Variants in ACTN2 observed in about 807,000 individuals in gnomAD.
The protein encoded by ACTN2 is actinin alpha 2.
Under a neutral mutation model 113.8 loss-of-function variants are expected in ACTN2, and 39 were observed. The observed-to-expected ratio is 0.34, with a 90% CI of 0.27 to 0.45. The LOEUF is 0.45. ACTN2 is among the 20% of genes least tolerant of loss of function. The pLI is 1.00. For synonymous variants in ACTN2, 429 were observed against 444.1 expected, an observed-to-expected ratio of 0.97 and a Z score of 0.43; for missense variants, 992 against 1,177.9, an observed-to-expected ratio of 0.84 and a Z score of 2.31.
At chr1:236,759,831 T>C (rs1280140345) in intron 19 of ACTN2, 42 bp downstream of exon 19, 2 of 1,574,614 alleles carry the variant, frequency 1.3e-6, no homozygotes, top group African/African-American at 1.3e-5. Context: ...TGATATTTTA[T>C]TGAATTTGGA....
At chr1:236,736,688 C>T (rs1403092644) in intron 8 of ACTN2, 12 of 1,452,102 alleles carry the variant, frequency 8.3e-6, no homozygotes, top group Non-Finnish European at 1.1e-5. Context: ...GATTTTCCTG[C>T]CCCAGTTATT....
intron 1 of ACTN2, among the ~76,000 whole-genome samples, chr1:236,687,956 C>T (rs1462186913): frequency 6.6e-6 from 1 of 152,230 alleles, no homozygotes; most frequent in African/African-American, 2.4e-5. Flanking sequence ...AATTTAGCTA[C>T]ATTTCAGTCT....
At position 236,749,265 on chromosome 1, in the gene ACTN2, G is replaced by GTAATGGA. The variant is rs1255329746; in HGVS notation, c.1656+2_1656+8dup. The stretch of plus-strand genomic sequence containing the variant: ...TGTCCACAGCATTGAGGAGATCCAG[G>GTAATGGA]TAATGGAACCGCAACTCTGTATGCC... On this transcript the variant is annotated splice_donor_variant, in intron 14 of 20. Transcript: ENST00000366578. LOFTEE classifies it high-confidence loss of function. 2 of 1,613,996 alleles carry GTAATGGA rather than the reference G, an allele frequency of 1.2e-6. No individual in the cohort carries two copies. Among genetic ancestry groups the GTAATGGA allele is most frequent in the African/African-American group, 2.7e-5 (2 of 74,912 alleles).
At position 236,761,100 on chromosome 1, in the gene ACTN2, T is replaced by C; in HGVS notation, c.2453T>C (p.Met818Thr). The C allele has an allele frequency of 6.2e-7, 1 of 1,614,148 alleles. No individual in the cohort carries two copies. Among genetic ancestry groups the C allele is most frequent in the Non-Finnish European group, 8.5e-7 (1 of 1,180,010 alleles). Residue 818 changes from methionine (M) to threonine (T), a missense_variant, in exon 20 of 21, where the codon ATG becomes ACG. Met to Thr is a moderately conservative substitution (Grantham distance 81). Coordinates refer to ENST00000366578, the MANE Select transcript of ACTN2 (RefSeq NM_001103.4). ...TVTFQSFIDF[M>T]TRETADTDTA... is the part of the protein sequence containing the mutation. The stretch of plus-strand genomic sequence containing the variant: ...ACCTTCCAATCCTTCATCGACTTCA[T>C]GACTAGAGAGACGGCTGACACCGAC...
chr1:236,713,660 AC>A (rs1658122466), intron 1 of ACTN2, among the ~76,000 whole-genome samples: 1 of 147,208 alleles, frequency 6.8e-6, no homozygotes, highest in Non-Finnish European at 1.5e-5. Flanking sequence ...TTCATTCCTC[AC>A]TGTGTGTTTA....
At chr1:236,698,633 G>C (rs767126182) in intron 1 of ACTN2, among the ~76,000 whole-genome samples, 4 of 152,174 alleles carry the variant, frequency 2.6e-5, no homozygotes, top group Non-Finnish European at 4.4e-5. Context: ...TTTCATGTTA[G>C]AATTTGGAGC....
intron 10 of ACTN2, among the ~76,000 whole-genome samples, chr1:236,742,485 G>C (rs1659100913): frequency 1.3e-5 from 2 of 152,136 alleles, no homozygotes; most frequent in Admixed American, 6.5e-5. Context: ...TGGGAGGATT[G>C]CCAGAGCCCA....
At chr1:236,718,204 G>A (rs1658278082) in intron 2 of ACTN2, among the ~76,000 whole-genome samples, 1 of 152,118 alleles carries the variant, frequency 6.6e-6, no homozygotes, top group Non-Finnish European at 1.5e-5. Flanking sequence ...ATACCACCAA[G>A]CTTGAAACAA....
rs1659651455 is a variant in ACTN2, at chr1:236,759,714, T to C, written c.2302-10T>C. The C allele has an allele frequency of 6.2e-7, 1 of 1,613,674 alleles. No individual in the cohort carries two copies. The highest frequency in any genetic ancestry group is 8.5e-7 in the Non-Finnish European group (1 of 1,179,598). On this transcript the variant is annotated splice_polypyrimidine_tract_variant and intron_variant, in intron 18 of 20. Coordinates refer to ENST00000366578, the MANE Select transcript of ACTN2 (RefSeq NM_001103.4). ...TGCTCACCTGCTCTGTCCTTTGTTT[T>C]TGCCAACAGAGGAAGAATGGCCTGA...
chr1:236,753,836 T>G, intron 15 of ACTN2, 111 bp from the exon 16 acceptor site: 63 of 1,079,832 alleles, frequency 5.8e-5, no homozygotes, highest in East Asian at 1.6e-4. Flanking sequence ...CCTCCCTTCG[T>G]TTCTCCTTCT....
chr1:236,711,443 T>C (rs551770254), intron 1 of ACTN2, among the ~76,000 whole-genome samples: 2 of 152,338 alleles, frequency 1.3e-5, no homozygotes, highest in South Asian at 4.1e-4. Context: ...CTCTGCCTCC[T>C]GGGTTCAAGC....
intron 1 of ACTN2, among the ~76,000 whole-genome samples, chr1:236,704,330 G>T (rs1657763244): frequency 1.3e-5 from 2 of 152,148 alleles, no homozygotes; most frequent in Non-Finnish European, 2.9e-5. Flanking sequence ...AAATGTGTGT[G>T]GTCTCCTCCC....
At chr1:236,722,273 G>A (rs77858898) in intron 4 of ACTN2, among the ~76,000 whole-genome samples, 3,341 of 152,108 alleles carry the variant, frequency 0.022, 121 homozygotes, top group African/African-American at 0.076. Context: ...ATTGTTATTA[G>A]AATCAAAGAA....
At chr1:236,716,693 T>C (rs1293442371) in intron 1 of ACTN2, among the ~76,000 whole-genome samples, 1 of 152,112 alleles carries the variant, frequency 6.6e-6, no homozygotes, top group African/African-American at 2.4e-5. Context: ...CAAATTTGTT[T>C]AATTGATTTA....
intron 8 of ACTN2, 147 bp downstream of exon 8, chr1:236,735,867 A>T: frequency 2.6e-6 from 2 of 762,680 alleles, no homozygotes; most frequent in South Asian, 3.0e-5. Flanking sequence ...GGCAAGTTCT[A>T]AACTGTGAAA....
rs991306355 is a variant in ACTN2, at chr1:236,762,629, T to C, written c.*10T>C. ...GGAGAGCGATCTGTGATGCTGAGCT[T>C]CTGTAATCACTCATCCCATCAGAAT... is the stretch of plus-strand genomic sequence containing the variant. On this transcript the variant is annotated 3_prime_UTR_variant, in exon 21 of 21. Coordinates refer to ENST00000366578, the MANE Select transcript of ACTN2 (RefSeq NM_001103.4). The C allele has an allele frequency of 4.3e-6, 7 of 1,613,484 alleles. No homozygotes were observed. The highest frequency in any genetic ancestry group is 5.1e-6 in the Non-Finnish European group (6 of 1,179,800).
intron 4 of ACTN2, among the ~76,000 whole-genome samples, chr1:236,725,370 A>G (rs569886247): frequency 6.6e-6 from 1 of 152,268 alleles, no homozygotes; most frequent in South Asian, 2.1e-4. Flanking sequence ...GCTCACACCT[A>G]AAATCCCAGC....
chr1:236,737,097 C>G (rs770212499), intron 8 of ACTN2, 25 bp from the exon 9 acceptor site: 1 of 1,585,514 alleles, frequency 6.3e-7, no homozygotes, highest in Non-Finnish European at 8.6e-7. Flanking sequence ...ACAGAGCCGT[C>G]CTGTTTACCT....
rs979021703 is a variant in ACTN2 at position 236,761,036 on chromosome 1, A to G, written c.2389A>G (p.Ile797Val). The G allele has an allele frequency of 6.2e-7, 1 of 1,614,210 alleles. No homozygotes were observed. The highest frequency in any genetic ancestry group is 1.1e-5 in the South Asian group (1 of 91,082). Reference protein sequence around the residue: ...YDLGEAEFARIMTLVDPNGQG... With the variant: ...YDLGEAEFARVMTLVDPNGQG... ...CCAGGGTGAAGCCGAATTTGCCCGC[A>G]TTATGACCCTGGTAGATCCCAACGG... Residue 797 changes from isoleucine to valine, a missense_variant, in exon 20 of 21, where the codon ATT becomes GTT. Transcript: ENST00000366578.
Sources: allele counts gnomAD v4.1 joint callset (sites outside exome capture counted in the v4.1 genomes callset), GRCh38; gene constraint gnomAD v4.1.1; transcripts MANE v1.5; gene names NCBI Gene and HGNC (gene_info 2026-07-23, HGNC 2026-07-21).